The following SUPT3H variants were observed in gnomAD, a reference collection of about 807,000 sequenced individuals.
The protein encoded by SUPT3H is SPT3 homolog, SAGA and STAGA complex component.
In SUPT3H, 44 loss-of-function variants were observed where a neutral mutation model predicts 44.3. The ratio of observed to expected loss-of-function variants is 0.99; its 90% CI spans 0.78 to 1.28. The LOEUF (loss-of-function observed/expected upper bound fraction) is 1.28, where lower values mean the gene tolerates loss of function less well. Among genes scored for constraint, SUPT3H ranks in the 50% most tolerant of loss-of-function variants. The pLI is 0.00. For missense variants in SUPT3H, 380 were observed against 387.1 expected (o/e 0.98, Z 0.15); for synonymous variants, 124 against 125.6 (o/e 0.99, Z 0.09).
intron 1 of SUPT3H, among the ~76,000 whole-genome samples, chr6:45,366,380 C>A (rs1795137651): frequency 6.6e-6 from 1 of 152,072 alleles, no homozygotes; most frequent in Admixed American, 6.6e-5. Flanking sequence ...TAAATGGCAA[C>A]GATAATCTCA....
At chr6:45,360,820 C>T (rs573852413) in intron 2 of SUPT3H, among the ~76,000 whole-genome samples, 111 of 152,286 alleles carry the variant, frequency 7.3e-4, no homozygotes, top group African/African-American at 2.6e-3. Context: ...CAGACCTAAA[C>T]GTAGGTAGCT....
At chr6:45,014,724 TGGAATTGCATAAATG>T in intron 5 of SUPT3H, 62 bp downstream of exon 5, 1 of 975,250 alleles carries the variant, frequency 1.0e-6, no homozygotes, top group Non-Finnish European at 1.5e-6. Context: ...CCAGTTACAT[TGGAATTGCATAAATG>T]TGTTATCCAG....
chr6:45,081,200 T>C (rs1357530292), intron 3 of SUPT3H, among the ~76,000 whole-genome samples: 1 of 152,038 alleles, frequency 6.6e-6, no homozygotes, highest in Non-Finnish European at 1.5e-5. Context: ...GCCTACATAA[T>C]CTGGTCCCTA....
At chr6:44,997,245 T>C (rs1781389530) in intron 6 of SUPT3H, among the ~76,000 whole-genome samples, 1 of 151,838 alleles carries the variant, frequency 6.6e-6, no homozygotes, top group Non-Finnish European at 1.5e-5. Flanking sequence ...ATTAAGCCAA[T>C]ACATTAATGT....
intron 2 of SUPT3H, among the ~76,000 whole-genome samples, chr6:45,108,715 AC>A (rs1239194737): frequency 6.6e-6 from 1 of 152,156 alleles, no homozygotes; most frequent in Non-Finnish European, 1.5e-5. Flanking sequence ...ATCTGCTAAG[AC>A]CCTACAGGAA....
rs1013041969 is a variant in SUPT3H at position 45,053,775 on chromosome 6, C to T, written c.187-33143G>A. ...AAAAAAAAAAAAAAAATTAGCCGGG[C>T]GTGGTGATGGGCGCCTGTACTCCCA... On this transcript the variant is annotated intron_variant, in intron 3 of 10. Transcript: ENST00000371459. Among the ~76,000 whole-genome samples the T allele has an allele frequency of 6.1e-5, 9 of 146,656 alleles. No homozygotes were observed. In the South Asian group the frequency reaches 1.5e-3, roughly 25 times the overall value.
intron 2 of SUPT3H, among the ~76,000 whole-genome samples, chr6:45,170,049 C>T (rs1456018081): frequency 6.6e-6 from 1 of 152,184 alleles, no homozygotes; most frequent in Non-Finnish European, 1.5e-5. Context: ...ATACTTCCCA[C>T]TTCTCTCTTT....
intron 2 of SUPT3H, among the ~76,000 whole-genome samples, chr6:45,284,788 CA>C (rs946351328): frequency 8.6e-5 from 13 of 151,986 alleles, no homozygotes; most frequent in African/African-American, 3.1e-4. Context: ...AGAGACACAA[CA>C]AAAAAAGAGA....
chr6:45,247,481 T>G (rs1295152799), intron 2 of SUPT3H, among the ~76,000 whole-genome samples: 1 of 152,206 alleles, frequency 6.6e-6, no homozygotes, highest in Non-Finnish European at 1.5e-5. Flanking sequence ...TAGTTATGGC[T>G]AGTCATGCAG....
chr6:44,832,530 A>C (rs995721025), intron 10 of SUPT3H, among the ~76,000 whole-genome samples: 1 of 152,128 alleles, frequency 6.6e-6, no homozygotes, highest in Non-Finnish European at 1.5e-5. Flanking sequence ...ATACTACTTA[A>C]GGTTCATTTC....
At chr6:45,352,060 C>CT (rs1792170892) in intron 2 of SUPT3H, among the ~76,000 whole-genome samples, 1 of 152,178 alleles carries the variant, frequency 6.6e-6, no homozygotes, top group Non-Finnish European at 1.5e-5. Context: ...TGCCTGCTTC[C>CT]TTAAAATGAT....
intron 3 of SUPT3H, among the ~76,000 whole-genome samples, chr6:45,027,052 T>G (rs895520407): frequency 1.4e-5 from 2 of 145,726 alleles, no homozygotes; most frequent in Non-Finnish European, 3.0e-5. Flanking sequence ...TGCAGTGGTG[T>G]GATCACAGCT....
chr6:45,277,389 C>T lies in SUPT3H; in HGVS notation c.101+87812G>A, dbSNP rs148673691. Among the ~76,000 whole-genome samples, 37 of 152,182 alleles carry T rather than the reference C, an allele frequency of 2.4e-4. 1 individual carries two copies. Among genetic ancestry groups the T allele is most frequent in the African/African-American group, 7.5e-4 (31 of 41,516 alleles). ...GAATCCTCAGGCTACAATAAACGTA[C>T]AGGTTTATATGGAATATATCCCAGA... On this transcript the variant is annotated intron_variant, in intron 2 of 10. Coordinates refer to ENST00000371459, the MANE Select transcript of SUPT3H (RefSeq NM_003599.4).
intron 9 of SUPT3H, among the ~76,000 whole-genome samples, chr6:44,943,267 T>C (rs1258569997): frequency 6.6e-6 from 1 of 151,706 alleles, no homozygotes; most frequent in Non-Finnish European, 1.5e-5. Context: ...TCACAATAGA[T>C]TGGAGTTGAC....
rs545059650 is a variant in SUPT3H at position 45,292,683 on chromosome 6, T to C, written c.101+72518A>G. On this transcript the variant is annotated intron_variant, in intron 2 of 10. Coordinates refer to ENST00000371459, the MANE Select transcript of SUPT3H (RefSeq NM_003599.4). ...GACACCAAAAGCAAGCAGGAGTAGCTATTCTTATACCAGACAAAAGAAACT... is the reference window on the plus strand; with the variant it reads ...GACACCAAAAGCAAGCAGGAGTAGCCATTCTTATACCAGACAAAAGAAACT... Among the ~76,000 whole-genome samples, 25 of 147,596 alleles carry C rather than the reference T, an allele frequency of 1.7e-4. No individual in the cohort carries two copies. The South Asian group carries it at 5.3e-3, about 31-fold the overall frequency.
chr6:45,259,944 T>C (rs894862645), intron 2 of SUPT3H, among the ~76,000 whole-genome samples: 2 of 152,198 alleles, frequency 1.3e-5, no homozygotes, highest in African/African-American at 4.8e-5. Context: ...TTCTCTTGTG[T>C]TAACACAGAT....
intron 10 of SUPT3H, among the ~76,000 whole-genome samples, chr6:44,924,568 G>A (rs1769237503): frequency 6.6e-6 from 1 of 152,094 alleles, no homozygotes. Context: ...GGTAGGATTA[G>A]TAAGAATTTA....
At chr6:45,292,980 A>C (rs918433424) in intron 2 of SUPT3H, among the ~76,000 whole-genome samples, 1 of 152,004 alleles carries the variant, frequency 6.6e-6, no homozygotes, top group African/African-American at 2.4e-5. Flanking sequence ...CCTTGGAACA[A>C]ATGAACTTAG....
intron 4 of SUPT3H, among the ~76,000 whole-genome samples, chr6:45,020,336 GCA>G (rs1486241681): frequency 7.2e-5 from 11 of 151,960 alleles, no homozygotes; most frequent in African/African-American, 2.4e-4. Context: ...TTCGCTGTTA[GCA>G]CAGTTTTTAT....
Sources: allele counts gnomAD v4.1 joint callset (sites outside exome capture counted in the v4.1 genomes callset), GRCh38; gene constraint gnomAD v4.1.1; transcripts MANE v1.5; gene names NCBI Gene and HGNC (gene_info 2026-07-23, HGNC 2026-07-21).